INPP5F: variants seen among roughly 807,000 people sequenced by gnomAD.
The protein encoded by INPP5F is phosphatidylinositide 4-phosphatase SAC2.
Under a neutral mutation model 137.2 loss-of-function variants are expected in INPP5F, and 97 were observed. That is an observed-to-expected ratio of 0.71 (90% CI 0.60 to 0.84). The LOEUF (loss-of-function observed/expected upper bound fraction) is 0.84. Among genes scored for constraint, INPP5F ranks in the 40% least tolerant of loss-of-function variants. The pLI is 0.00. For missense variants in INPP5F, 1,271 were observed against 1,371.9 expected (o/e 0.93, Z 1.16); for synonymous variants, 504 against 476.9 (o/e 1.06, Z -0.74).
chr10:119,729,476 A>C (rs545897605), intron 1 of INPP5F, among the ~76,000 whole-genome samples: 2 of 151,978 alleles, frequency 1.3e-5, no homozygotes, highest in South Asian at 4.2e-4. Flanking sequence ...AATATATTTT[A>C]ATTGGAGTGG....
At chr10:119,805,837 G>A (rs185406630) in intron 11 of INPP5F, among the ~76,000 whole-genome samples, 2 of 152,286 alleles carry the variant, frequency 1.3e-5, no homozygotes, top group East Asian at 1.9e-4. Flanking sequence ...TATCAGAGAC[G>A]GAAAATGATT....
At chr10:119,824,927 A>G (rs889486739) in intron 19 of INPP5F, among the ~76,000 whole-genome samples, 1 of 152,208 alleles carries the variant, frequency 6.6e-6, no homozygotes, top group Non-Finnish European at 1.5e-5. Flanking sequence ...ATTCATAACT[A>G]CCATTTAAAT....
intron 17 of INPP5F, 46 bp downstream of exon 17, chr10:119,822,550 G>C: frequency 2.3e-6 from 2 of 871,564 alleles, no homozygotes; most frequent in South Asian, 3.3e-5. Flanking sequence ...AAATGCTGTT[G>C]TTTCCAAGAG....
At chr10:119,785,935 G>C (rs369167983) in intron 3 of INPP5F, among the ~76,000 whole-genome samples, 5 of 152,214 alleles carry the variant, frequency 3.3e-5, no homozygotes, top group African/African-American at 1.2e-4. Context: ...CTTAGTTGTT[G>C]CTTCTTTAGA....
In INPP5F at chr10:119,772,429, C is replaced by T. The variant is rs115843908; in HGVS notation, c.179-9206C>T. 4.7e-3 allele frequency among the ~76,000 whole-genome samples: 710 copies of T among 152,106 alleles called. 6 individuals carry two copies. The highest frequency in any genetic ancestry group is 0.016 in the African/African-American group (660 of 41,492). ...TTGATTGATACAGCTCTTTCTATTT[C>T]GTAAATACTAACCTTTAGCATGCCA... On this transcript the variant is annotated intron_variant, in intron 2 of 19. Transcript: ENST00000650623.
At chr10:119,744,517 G>C (rs1315255233) in intron 1 of INPP5F, among the ~76,000 whole-genome samples, 2 of 151,128 alleles carry the variant, frequency 1.3e-5, no homozygotes, top group South Asian at 2.1e-4. Flanking sequence ...TTTGTCATCT[G>C]TCTTCTTTTC....
intron 1 of INPP5F, among the ~76,000 whole-genome samples, chr10:119,731,663 G>GA (rs1247231151): frequency 1.3e-5 from 2 of 151,978 alleles, no homozygotes; most frequent in Admixed American, 6.6e-5. Context: ...GACTGTCTCA[G>GA]AAAAAAATAT....
chr10:119,818,064 A>T (rs988528565), intron 15 of INPP5F, among the ~76,000 whole-genome samples: 7 of 152,212 alleles, frequency 4.6e-5, no homozygotes, highest in Non-Finnish European at 8.8e-5. Flanking sequence ...GAGAACTAGA[A>T]ACCGGGAACT....
In INPP5F at chr10:119,787,649, A is replaced by AAGGGAGGAAGGCAGGCAGGC. The variant is rs1849970716; in HGVS notation, c.316-3864_316-3845dup. Among the ~76,000 whole-genome samples, 1 of 151,684 alleles carries AAGGGAGGAAGGCAGGCAGGC rather than the reference A, an allele frequency of 6.6e-6. No homozygotes were observed. The highest frequency in any genetic ancestry group is 2.4e-5 in the African/African-American group (1 of 41,306). ...GAAGGGGGAGGGGAAGGGGAGGAGG[A>AAGGGAGGAAGGCAGGCAGGC]AGGGAGGAAGGCAGGCAGGCAGGCA... On this transcript the variant is annotated intron_variant, in intron 3 of 19. Transcript: ENST00000650623. The surrounding 1 kb of genome is among the most constrained non-coding windows in gnomAD (Gnocchi z 4.1).
Position 119,827,148 on chromosome 10 carries a change from G to C in INPP5F, c.2767G>C (p.Val923Leu), listed in dbSNP as rs774385559. 1 of 1,614,096 alleles carries C rather than the reference G, an allele frequency of 6.2e-7. No individual in the cohort carries two copies. Among genetic ancestry groups the C allele is most frequent in the Non-Finnish European group, 8.5e-7 (1 of 1,180,042 alleles). Residue 923 changes from valine to leucine, a missense_variant, in exon 20 of 20, where the codon GTT becomes CTT. Val to Leu is a conservative substitution (Grantham distance 32). This residue lies in a region of INPP5F where 490 missense variants were observed against 443.7 expected (regional missense o/e 1.10). Transcript: ENST00000650623. Reference protein sequence around the residue: ...SSVHAPSEITVAHGSGLGKGQ... With the variant: ...SSVHAPSEITLAHGSGLGKGQ... ...CGTTCATGCTCCTTCAGAGATTACT[G>C]TTGCTCATGGGAGTGGGCTTGGAAA...
At chr10:119,820,407 C>T (rs959503517) in intron 15 of INPP5F, among the ~76,000 whole-genome samples, 7 of 152,212 alleles carry the variant, frequency 4.6e-5, no homozygotes, top group Non-Finnish European at 7.3e-5. Context: ...AAGATGCCTT[C>T]CACATGAATG....
At chr10:119,809,916 C>T (rs1166020619) in intron 13 of INPP5F, among the ~76,000 whole-genome samples, 184 bp from the exon 14 acceptor site, 1 of 152,186 alleles carries the variant, frequency 6.6e-6, no homozygotes, top group Admixed American at 6.5e-5. Context: ...ATTTGACAAG[C>T]TTAGATCAGG....
At position 119,748,466 on chromosome 10, in the gene INPP5F, A is replaced by G. The variant is rs572440377; in HGVS notation, c.98-2610A>G. On this transcript the variant is annotated intron_variant, in intron 1 of 19. Coordinates refer to ENST00000650623, the MANE Select transcript of INPP5F (RefSeq NM_014937.4). This position sits in a 1 kb window ranked among gnomAD's most constrained non-coding sequence, Gnocchi z 4.7. ...TACAGCTTTTTCAGTCCCACCATTC[A>G]GGGGTCCCGTGTCCAGGAAGAATGA... Among the ~76,000 whole-genome samples the G allele has an allele frequency of 5.3e-5, 8 of 152,250 alleles. No individual in the cohort carries two copies. The East Asian group carries it at 1.5e-3, about 29-fold the overall frequency.
rs998555624 is a variant in INPP5F, at chr10:119,796,996, A to G, written c.868+83A>G. The G allele has an allele frequency of 6.0e-5, 78 of 1,289,968 alleles. 1 individual carries two copies. Among genetic ancestry groups the G allele is most frequent in the South Asian group, 4.8e-4 (38 of 79,302 alleles). 79.9% of individuals were successfully genotyped at this position (1,289,968 alleles called of 1,614,324 possible). ...CAGATGTGTTGAAATGCTAATGACA[A>G]TAATGGATTTGGGAACACAGTTGGC... On this transcript the variant is annotated intron_variant, in intron 7 of 19. Coordinates refer to ENST00000650623, the MANE Select transcript of INPP5F (RefSeq NM_014937.4).
chr10:119,753,364 T>G (rs1564809001), intron 2 of INPP5F, among the ~76,000 whole-genome samples: 1 of 152,352 alleles, frequency 6.6e-6, no homozygotes, highest in South Asian at 2.1e-4. Context: ...TTCATGTATC[T>G]CTTGTTATGT....
intron 13 of INPP5F, among the ~76,000 whole-genome samples, chr10:119,808,995 G>A (rs3781501): frequency 0.42 from 64,526 of 151,936 alleles, 14,084 homozygotes; most frequent in South Asian, 0.68. Flanking sequence ...AGGCTGAGGC[G>A]GGTGGATCAC....
chr10:119,726,312 G>A lies in INPP5F; in HGVS notation c.50G>A (p.Arg17His). The change falls in exon 1 of 20, where the codon CGC (arginine) becomes CAC (histidine). Residue 17 changes from arginine to histidine, a missense_variant. Around this residue, in one of 6 missense-constraint regions of INPP5F, gnomAD observed 109 missense variants for 105.1 expected, o/e 1.04. Transcript: ENST00000650623. ...KDHYILQQGE[R>H]ALWCSRRDGG... ...CACTACATCCTGCAGCAGGGCGAGC[G>A]CGCGCTGTGGTGCAGCCGCCGCGAC... 3 of 1,483,068 alleles carry A rather than the reference G, an allele frequency of 2.0e-6. No individual in the cohort carries two copies. Among genetic ancestry groups the A allele is most frequent in the South Asian group, 2.6e-5 (2 of 78,148 alleles). 91.9% of individuals were successfully genotyped at this position (1,483,068 alleles called of 1,614,324 possible). A position where few individuals can be genotyped will look rare whatever the true frequency, so the allele number is the denominator to read the frequency against.
intron 2 of INPP5F, among the ~76,000 whole-genome samples, chr10:119,778,624 T>TA (rs1849602245): frequency 6.6e-6 from 1 of 152,178 alleles, no homozygotes; most frequent in Non-Finnish European, 1.5e-5. Context: ...CCTCATTATA[T>TA]TTAGTTCTCT....
intron 9 of INPP5F, 21 bp from the exon 10 acceptor site, chr10:119,804,152 T>C (rs1850686070): frequency 6.5e-7 from 1 of 1,548,894 alleles, no homozygotes; most frequent in African/African-American, 1.4e-5. Context: ...CTAAATTTTT[T>C]CTGTTTCTTT....
Sources: gnomAD v4.1 joint callset for allele counts (sites outside exome capture counted in the v4.1 genomes callset) on GRCh38, gnomAD v4.1.1 for gene constraint, gnomAD v4.1.1 regional missense constraint, Gnocchi (gnomAD v3.1) non-coding constraint, MANE v1.5 for transcripts, NCBI Gene and HGNC (gene_info 2026-07-23, HGNC 2026-07-21) for gene names.